Variants in SPON1 observed in about 807,000 individuals in gnomAD.
The protein encoded by SPON1 is spondin 1.
A neutral mutation model predicts 111.7 loss-of-function variants in SPON1; 52 were observed. The observed-to-expected ratio is 0.47, with a 90% CI of 0.37 to 0.59. The LOEUF (loss-of-function observed/expected upper bound fraction) is 0.59, where lower values mean the gene tolerates loss of function less well. SPON1 is among the 20% of genes least tolerant of loss of function. The pLI, the probability that SPON1 is intolerant of heterozygous loss-of-function variation, is 0.00. For synonymous variants in SPON1, 410 were observed against 395.8 expected (o/e 1.04, Z -0.43); for missense variants, 957 against 1,068.5 (o/e 0.90, Z 1.46).
chr11:14,002,075 G>A (rs1027584712), intron 2 of SPON1, among the ~76,000 whole-genome samples: 3 of 152,086 alleles, frequency 2.0e-5, no homozygotes, highest in South Asian at 2.1e-4. Flanking sequence ...GGGAAAACAA[G>A]CAAAACTGGT....
At chr11:13,994,830 G>T (rs1456132491) in intron 2 of SPON1, among the ~76,000 whole-genome samples, 2 of 152,176 alleles carry the variant, frequency 1.3e-5, no homozygotes, top group Non-Finnish European at 2.9e-5. Flanking sequence ...TATCATAGGA[G>T]CATAGTGGCC....
At chr11:14,108,887 G>A (rs547319876) in intron 5 of SPON1, among the ~76,000 whole-genome samples, 1 of 152,048 alleles carries the variant, frequency 6.6e-6, no homozygotes, top group Admixed American at 6.5e-5. Context: ...ACCCCCAGGA[G>A]CACATAAGCA....
Position 14,150,348 on chromosome 11 carries a change from G to A in SPON1, c.825+14780G>A, listed in dbSNP as rs554857165. ...AGGGGATGGTGAGAGGTTAGTTAAC[G>A]GATGCAAGATTGCAACTAGATAGAA... On this transcript the variant is annotated intron_variant, in intron 6 of 15. Transcript: ENST00000576479. Among the ~76,000 whole-genome samples, 12 of 151,756 alleles carry A rather than the reference G, an allele frequency of 7.9e-5. No individual in the cohort carries two copies. The South Asian group carries it at 2.1e-3, about 27-fold the overall frequency.
At chr11:13,990,664 T>A (rs1470890807) in intron 2 of SPON1, among the ~76,000 whole-genome samples, 5 of 152,068 alleles carry the variant, frequency 3.3e-5, no homozygotes, top group Admixed American at 3.3e-4. Flanking sequence ...TTCTTCATAG[T>A]GTCGATATTC....
At chr11:14,049,793 A>G (rs574037256) in intron 3 of SPON1, among the ~76,000 whole-genome samples, 1 of 152,276 alleles carries the variant, frequency 6.6e-6, no homozygotes, top group Admixed American at 6.5e-5. Context: ...CCTGCCCTAA[A>G]CTGCCTCAAA....
At chr11:13,994,493 A>G (rs1848255495) in intron 2 of SPON1, among the ~76,000 whole-genome samples, 2 of 152,196 alleles carry the variant, frequency 1.3e-5, no homozygotes, top group African/African-American at 4.8e-5. Flanking sequence ...TGGGCATTCC[A>G]TCATGGAAGT....
At chr11:14,047,334 G>T (rs1554917929) in intron 3 of SPON1, among the ~76,000 whole-genome samples, 4 of 152,090 alleles carry the variant, frequency 2.6e-5, no homozygotes, top group Non-Finnish European at 5.9e-5. Context: ...AGACCCTTTA[G>T]CTAAGAAACT....
chr11:14,066,017 G>A (rs1325299788), intron 3 of SPON1, among the ~76,000 whole-genome samples: 2 of 152,202 alleles, frequency 1.3e-5, no homozygotes, highest in African/African-American at 4.8e-5. Flanking sequence ...CGAATAGCAA[G>A]TGAACTGTAA....
In SPON1 at chr11:14,124,406, G is replaced by T. The variant is rs112768281; in HGVS notation, c.677-11014G>T. Among the ~76,000 whole-genome samples, 1,218 of 152,288 alleles carry T rather than the reference G, an allele frequency of 8.0e-3. 20 individuals are homozygous for T. The highest frequency in any genetic ancestry group is 0.028 in the African/African-American group (1,160 of 41,544). Reference sequence around the variant, plus strand: ...CCTCCTCTGGAACCATCTGGGTTAAGTGCCCCCTTATTTGTGCTGTGACAT... The same window carrying T: ...CCTCCTCTGGAACCATCTGGGTTAATTGCCCCCTTATTTGTGCTGTGACAT... On this transcript the variant is annotated intron_variant, in intron 5 of 15. Transcript: ENST00000576479.
At chr11:14,161,306 T>TATATATTTATATATTTATATATA (rs1349583068) in intron 6 of SPON1, among the ~76,000 whole-genome samples, 9 of 75,770 alleles carry the variant, frequency 1.2e-4, no homozygotes, top group East Asian at 3.7e-4. Flanking sequence ...TATATATATA[T>TATATATTTATATATTTATATATA]TTTTTTATAT....
intron 6 of SPON1, among the ~76,000 whole-genome samples, chr11:14,232,929 G>A (rs1248507587): frequency 1.3e-5 from 2 of 152,112 alleles, no homozygotes; most frequent in East Asian, 1.9e-4. Flanking sequence ...AACAGAGGCC[G>A]CAGAGGTAGT....
intron 3 of SPON1, among the ~76,000 whole-genome samples, chr11:14,046,351 G>A (rs1266213175): frequency 1.3e-5 from 2 of 152,182 alleles, no homozygotes; most frequent in Non-Finnish European, 2.9e-5. Flanking sequence ...TCTTTACGGA[G>A]TATTCTCAGT....
intron 6 of SPON1, among the ~76,000 whole-genome samples, chr11:14,168,792 G>A (rs1554932107): frequency 6.6e-6 from 1 of 152,054 alleles, no homozygotes; most frequent in Non-Finnish European, 1.5e-5. Context: ...GAGAATGATG[G>A]TTTCCAGCTT....
At chr11:14,252,777 T>A (rs1393818762) in intron 7 of SPON1, among the ~76,000 whole-genome samples, 1 of 152,254 alleles carries the variant, frequency 6.6e-6, no homozygotes, top group African/African-American at 2.4e-5. Context: ...AGAGGTGACA[T>A]GACCTGAGGC....
chr11:14,044,887 G>T (rs1288527665), intron 3 of SPON1, among the ~76,000 whole-genome samples: 2 of 152,044 alleles, frequency 1.3e-5, no homozygotes, highest in Non-Finnish European at 2.9e-5. Flanking sequence ...ACCTCTTTTT[G>T]TTTTTTAACT....
chr11:14,075,679 A>C (rs1421039777), intron 4 of SPON1, among the ~76,000 whole-genome samples: 3 of 152,194 alleles, frequency 2.0e-5, no homozygotes, highest in Non-Finnish European at 2.9e-5. Flanking sequence ...TTTGTGAAAC[A>C]GTGATTATTC....
At chr11:14,236,074 G>C (rs1848863205) in intron 6 of SPON1, among the ~76,000 whole-genome samples, 1 of 152,170 alleles carries the variant, frequency 6.6e-6, no homozygotes, top group Admixed American at 6.5e-5. Flanking sequence ...CCTGTCTGCT[G>C]TGAGATGCAA....
intron 1 of SPON1, among the ~76,000 whole-genome samples, chr11:13,964,991 A>G (rs1215973437): frequency 9.2e-5 from 14 of 152,134 alleles, no homozygotes; most frequent in Non-Finnish European, 2.9e-5. Context: ...TGGAAAAAAA[A>G]AAAAGCTGTT....
chr11:14,254,466 C>T, intron 7 of SPON1, 62 bp from the exon 8 acceptor site: 1 of 1,392,422 alleles, frequency 7.2e-7, no homozygotes, highest in Non-Finnish European at 9.8e-7. Context: ...AGGCAGATTT[C>T]CCTCAGAGTG....
Sources: gnomAD v4.1 joint callset for allele counts (sites outside exome capture counted in the v4.1 genomes callset) on GRCh38, gnomAD v4.1.1 for gene constraint, MANE v1.5 for transcripts, NCBI Gene and HGNC (gene_info 2026-07-23, HGNC 2026-07-21) for gene names.